Variants in PPP2R2C observed in about 807,000 individuals in gnomAD.
The protein encoded by PPP2R2C is protein phosphatase 2 regulatory subunit Bgamma.
A neutral mutation model predicts 45.3 loss-of-function variants in PPP2R2C; 10 were observed. The ratio of observed to expected loss-of-function variants is 0.22; its 90% CI spans 0.14 to 0.37. PPP2R2C has a LOEUF of 0.37. Among genes scored for constraint, PPP2R2C ranks in the 10% least tolerant of loss-of-function variants. The probability of loss-of-function intolerance (pLI) is 1.00; values close to 1 mark genes in which losing one functional copy is unlikely to be tolerated. For missense variants in PPP2R2C, 308 were observed against 619.7 expected, an observed-to-expected ratio of 0.50 and a Z score of 5.34; for synonymous variants, 257 against 245.4, an observed-to-expected ratio of 1.05 and a Z score of -0.44.
chr4:6,466,261 C>T (rs769140814), intron 1 of PPP2R2C, among the ~76,000 whole-genome samples: 20 of 152,166 alleles, frequency 1.3e-4, no homozygotes, highest in Admixed American at 2.6e-4. Flanking sequence ...TCTGCTCATT[C>T]CCAGGCTCCC....
At chr4:6,414,029 A>G in intron 1 of PPP2R2C, 1 of 1,521,720 alleles carries the variant, frequency 6.6e-7, no homozygotes, top group Non-Finnish European at 8.8e-7. Flanking sequence ...ATGTGGCCCA[A>G]ATCTAGAGAA....
chr4:6,371,518 G>A (rs542160430), intron 5 of PPP2R2C, among the ~76,000 whole-genome samples: 18 of 152,312 alleles, frequency 1.2e-4, no homozygotes, highest in Middle Eastern at 3.4e-3. Flanking sequence ...AGGCTCTCAG[G>A]AGGGTCTTCC....
intron 6 of PPP2R2C, among the ~76,000 whole-genome samples, chr4:6,342,266 C>T (rs1207845246): frequency 1.3e-5 from 2 of 152,140 alleles, no homozygotes; most frequent in African/African-American, 4.8e-5. Context: ...CCACCAACAG[C>T]CGACTATTAG....
At position 6,417,582 on chromosome 4, in the gene PPP2R2C, C is replaced by T. The variant is rs77418308; in HGVS notation, c.71-36488G>A. On this transcript the variant is annotated intron_variant, in intron 1 of 8. Coordinates refer to ENST00000382599, the MANE Select transcript of PPP2R2C (RefSeq NM_020416.4). ...GCCCAGTCTGCCTGGCACACCCATG[C>T]CAGGACCCTCTGGGTGTTGCCCAGG... Among the ~76,000 whole-genome samples, 1,159 of 152,354 alleles carry T rather than the reference C, an allele frequency of 7.6e-3. 19 individuals carry two copies. The highest frequency in any genetic ancestry group is 0.071 in the East Asian group (367 of 5,176).
At chr4:6,386,742 ACAGT>A (rs1219018825) in intron 1 of PPP2R2C, among the ~76,000 whole-genome samples, 2 of 152,262 alleles carry the variant, frequency 1.3e-5, no homozygotes, top group African/African-American at 4.8e-5. Flanking sequence ...AATATAAAAG[ACAGT>A]CAGTGGAAAC....
rs1184517318 is a variant in PPP2R2C, at chr4:6,378,912, C to T, written c.169-340G>A. On this transcript the variant is annotated intron_variant, in intron 2 of 8. Coordinates refer to ENST00000382599, the MANE Select transcript of PPP2R2C (RefSeq NM_020416.4). The surrounding 1 kb of genome is among the most constrained non-coding windows in gnomAD (Gnocchi z 5.2). The stretch of plus-strand genomic sequence containing the variant: ...CTCCAGGCCTCCTCTGCTTGAGCAC[C>T]ACGACTCTCCCCATTTCACAGACCA... 6.6e-6 allele frequency among the ~76,000 whole-genome samples: 1 copy of T among 151,638 alleles called. No individual in the cohort carries two copies. The highest frequency in any genetic ancestry group is 2.4e-5 in the African/African-American group (1 of 41,262).
At chr4:6,446,282 C>G (rs1215516695) in intron 1 of PPP2R2C, among the ~76,000 whole-genome samples, 1 of 152,204 alleles carries the variant, frequency 6.6e-6, no homozygotes, top group Non-Finnish European at 1.5e-5. Flanking sequence ...CTCCCCCACA[C>G]CGACACACCC....
At chr4:6,550,746 A>G (rs898580368) in intron 1 of PPP2R2C, among the ~76,000 whole-genome samples, 1 of 152,206 alleles carries the variant, frequency 6.6e-6, no homozygotes, top group African/African-American at 2.4e-5. Context: ...CCTGAGCTCA[A>G]TGGATACTTC....
At chr4:6,535,276 A>G in exon 2 of PPP2R2C, 1 of 1,535,354 alleles carries the variant, frequency 6.5e-7, no homozygotes, top group East Asian at 2.4e-5. Context: ...CTTACCGGAA[A>G]CTTCCATCAG....
At chr4:6,492,857 A>T (rs1722739784) in intron 2 of PPP2R2C, among the ~76,000 whole-genome samples, 1 of 152,122 alleles carries the variant, frequency 6.6e-6, no homozygotes, top group Admixed American at 6.5e-5. Flanking sequence ...GAGGCCTGTC[A>T]AAGGCATGGG....
intron 1 of PPP2R2C, among the ~76,000 whole-genome samples, chr4:6,410,349 T>A (rs145492259): frequency 6.6e-6 from 1 of 152,202 alleles, no homozygotes; most frequent in African/African-American, 2.4e-5. Context: ...TCGTCACCCA[T>A]CATGGACAAA....
chr4:6,419,029 C>T (rs1034454908), intron 1 of PPP2R2C, among the ~76,000 whole-genome samples: 6 of 152,186 alleles, frequency 3.9e-5, no homozygotes, highest in South Asian at 2.1e-4. Context: ...GCTTCGCATG[C>T]GGTGAGGGTT....
At chr4:6,554,442 C>T (rs1415529549) in intron 1 of PPP2R2C, among the ~76,000 whole-genome samples, 1 of 152,220 alleles carries the variant, frequency 6.6e-6, no homozygotes, top group African/African-American at 2.4e-5. Flanking sequence ...GCTGCCAGAA[C>T]CATGAGACAA....
chr4:6,498,654 G>T (rs1467465569), intron 2 of PPP2R2C, among the ~76,000 whole-genome samples: 1 of 152,168 alleles, frequency 6.6e-6, no homozygotes, highest in Non-Finnish European at 1.5e-5. Context: ...AGGTGGAGGA[G>T]CTGGTGTCTA....
intron 1 of PPP2R2C, among the ~76,000 whole-genome samples, chr4:6,396,024 G>A (rs1717006890): frequency 6.6e-6 from 1 of 152,218 alleles, no homozygotes; most frequent in Non-Finnish European, 1.5e-5. Flanking sequence ...ACCCCAGTGG[G>A]ACCTGGGTCA....
intron 1 of PPP2R2C, among the ~76,000 whole-genome samples, chr4:6,434,356 T>C (rs1719779170): frequency 3.9e-5 from 1 of 25,734 alleles, no homozygotes; most frequent in Admixed American, 6.6e-4. Context: ...TCTTTTTTCT[T>C]TTCTTTTTTT....
At chr4:6,536,387 G>A (rs1312766841) in intron 1 of PPP2R2C, among the ~76,000 whole-genome samples, 2 of 152,130 alleles carry the variant, frequency 1.3e-5, no homozygotes, top group African/African-American at 4.8e-5. Flanking sequence ...GCAGAAAAGT[G>A]AGAAAAGGAG....
intron 1 of PPP2R2C, among the ~76,000 whole-genome samples, chr4:6,562,962 C>CAAAAAAAAAAAA (rs746793663): frequency 8.4e-5 from 7 of 83,258 alleles, no homozygotes; most frequent in African/African-American, 2.8e-4. Flanking sequence ...CCCTGCCAGC[C>CAAAAAAAAAAAA]AAAAAAAAAA....
At chr4:6,326,443 C>T (rs1223903070) in intron 8 of PPP2R2C, among the ~76,000 whole-genome samples, 1 of 152,144 alleles carries the variant, frequency 6.6e-6, no homozygotes, top group African/African-American at 2.4e-5. Flanking sequence ...TCCCCCCAGG[C>T]AGGACAGATC....
Sources: allele counts gnomAD v4.1 joint callset (sites outside exome capture counted in the v4.1 genomes callset), GRCh38; gene constraint gnomAD v4.1.1; non-coding constraint Gnocchi (gnomAD v3.1); transcripts MANE v1.5; gene names NCBI Gene and HGNC (gene_info 2026-07-23, HGNC 2026-07-21).